FAT2: variants seen among roughly 807,000 people sequenced by gnomAD.
FAT2 encodes the protein FAT atypical cadherin 2.
A neutral mutation model predicts 295.3 loss-of-function variants in FAT2; 150 were observed. The ratio of observed to expected loss-of-function variants is 0.51; its 90% CI spans 0.44 to 0.58. The LOEUF (loss-of-function observed/expected upper bound fraction) is 0.58. Among genes scored for constraint, FAT2 ranks in the 20% least tolerant of loss-of-function variants. FAT2 has a pLI of 0.00. For missense variants in FAT2, 4,868 were observed against 5,442.7 expected, an observed-to-expected ratio of 0.89 and a Z score of 3.32; for synonymous variants, 2,026 against 2,150.3, an observed-to-expected ratio of 0.94 and a Z score of 1.60.
rs763142332 is a variant in FAT2, at chr5:151,545,443, C to T, written c.5684G>A (p.Arg1895Gln). The change falls in exon 10 of 24, where the codon CGG becomes CAG. Residue 1895 changes from arginine to glutamine, a missense_variant. Arg to Gln is a conservative substitution (Grantham distance 43). Coordinates refer to ENST00000261800, the MANE Select transcript of FAT2 (RefSeq NM_001447.3). ...GACTTCTGAGTCTTCATCGCTGGCC[C>T]GCACCATGAGAAGCTCCATGCCTGG... ...IHPGMELLMV[R>Q]ASDEDSEVNY... is the part of the protein sequence containing the mutation. 132 of 1,613,990 alleles carry T rather than the reference C, an allele frequency of 8.2e-5. No homozygotes were observed. Among genetic ancestry groups the T allele is most frequent in the Non-Finnish European group, 1.1e-4 (126 of 1,180,030 alleles).
chr5:151,508,969 C>A (rs1432504801), intron 22 of FAT2, among the ~76,000 whole-genome samples: 1 of 152,130 alleles, frequency 6.6e-6, no homozygotes, highest in Non-Finnish European at 1.5e-5. Context: ...TTTCATGATT[C>A]TTTAAAGGCT....
Position 151,517,756 on chromosome 5 carries a change from G to A in FAT2, c.11327C>T (p.Thr3776Ile). 1 of 1,614,174 alleles carries A rather than the reference G, an allele frequency of 6.2e-7. No homozygotes were observed. Among genetic ancestry groups the A allele is most frequent in the Non-Finnish European group, 8.5e-7 (1 of 1,180,008 alleles). Reference protein sequence around the residue: ...QRSCSCNGTATRFSGQSYVRY... With the variant: ...QRSCSCNGTAIRFSGQSYVRY... ...CACATAGCTCTGACCACTGAACCTT[G>A]TAGCAGTACCTGAGAAAGCAACCAA... Residue 3776 changes from threonine (T) to isoleucine (I), a missense_variant, in exon 20 of 24, where the codon ACA becomes ATA. Thr to Ile is a moderately conservative substitution (Grantham distance 89, BLOSUM62 -1). Transcript: ENST00000261800.
chr5:151,563,275 A>G (rs1758100431), intron 3 of FAT2, 50 bp downstream of exon 3: 1 of 1,540,576 alleles, frequency 6.5e-7, no homozygotes, highest in South Asian at 1.2e-5. Context: ...CCACAATTTG[A>G]GAACCACCAT....
Position 151,556,137 on chromosome 5 carries a change from C to G in FAT2, c.3633+207G>C. 3 of 586,578 alleles carry G rather than the reference C, an allele frequency of 5.1e-6. No individual in the cohort carries two copies. The South Asian group carries it at 5.8e-5, about 11-fold the overall frequency. 36.3% of individuals were successfully genotyped at this position (586,578 alleles called of 1,614,324 possible). The stretch of plus-strand genomic sequence containing the variant: ...TCACTAATCAATCAATGGTGCCTAC[C>G]CAGCCTGGGCACAGTTTCAGACTCC... On this transcript the variant is annotated intron_variant, in intron 4 of 23. Coordinates refer to ENST00000261800, the MANE Select transcript of FAT2 (RefSeq NM_001447.3).
At chr5:151,583,997 C>CAAAA (rs35453556) in intron 1 of FAT2, among the ~76,000 whole-genome samples, 31 of 46,058 alleles carry the variant, frequency 6.7e-4, no homozygotes, top group East Asian at 2.5e-3. Context: ...GGCTCTGTCT[C>CAAAA]AAAAAAAAAA....
chr5:151,593,022 G>A (rs78010608), upstream of FAT2, among the ~76,000 whole-genome samples: 2,279 of 152,348 alleles, frequency 0.015, 59 homozygotes, highest in African/African-American at 0.052. Context: ...TGCTCAAGAT[G>A]TCCAGAGGGA....
intron 3 of FAT2, among the ~76,000 whole-genome samples, chr5:151,558,683 G>A (rs1757890727): frequency 6.6e-6 from 1 of 151,992 alleles, no homozygotes; most frequent in South Asian, 2.1e-4. Context: ...GAGAAACCAT[G>A]AAGTGACAGC....
At chr5:151,592,200 T>C (rs1347808895), upstream of FAT2, among the ~76,000 whole-genome samples, 1 of 152,184 alleles carries the variant, frequency 6.6e-6, no homozygotes. Context: ...AACCAGTGTT[T>C]TAAGGGAAAG....
rs376200277 is a variant in FAT2 at position 151,534,451 on chromosome 5, T to G, written c.9385A>C (p.Lys3129Gln). The G allele has an allele frequency of 1.9e-6, 3 of 1,613,564 alleles. No homozygotes were observed. Among genetic ancestry groups the G allele is most frequent in the Non-Finnish European group, 2.5e-6 (3 of 1,179,920 alleles). Residue 3129 changes from lysine (K) to glutamine (Q), a missense_variant, in exon 13 of 24, where the codon AAG (lysine) becomes CAG (glutamine). This residue lies in a region of FAT2 where 1,046 missense variants were observed against 1,210.1 expected (regional missense o/e 0.86). Coordinates refer to ENST00000261800, the MANE Select transcript of FAT2 (RefSeq NM_001447.3). ...AVAVFDNTTV[K>Q]TPVAVVFARD... ...GCAAATACTACAGCCACAGGGGTCT[T>G]CACTGTGGTGTTGTCGAAGACAGCC...
chr5:151,563,207 G>A lies in FAT2; in HGVS notation c.3574+118C>T. ...AATTTTGATTCAGTGGATTTAGGGT[G>A]GGGCCAGAGAATTTGAATTTCCAAG... On this transcript the variant is annotated intron_variant, in intron 3 of 23. Coordinates refer to ENST00000261800, the MANE Select transcript of FAT2 (RefSeq NM_001447.3). 4.2e-6 allele frequency: 4 copies of A among 946,924 alleles called. No individual in the cohort carries two copies. In the South Asian group the frequency reaches 6.4e-5, roughly 15 times the overall value. The allele number at this position is 946,924 out of a possible 1,614,324, so 58.7% of individuals were successfully genotyped here.
intron 19 of FAT2, among the ~76,000 whole-genome samples, chr5:151,518,137 C>T (rs187400898): frequency 6.6e-6 from 1 of 152,128 alleles, no homozygotes; most frequent in Admixed American, 6.5e-5. Context: ...TCGAGACCAG[C>T]CTGGGCAACA....
intron 12 of FAT2, among the ~76,000 whole-genome samples, chr5:151,537,425 A>C (rs1206484304): frequency 9.6e-6 from 1 of 104,652 alleles, no homozygotes; most frequent in African/African-American, 4.9e-5. Flanking sequence ...GAAAAAAGGA[A>C]AGGAGAGGAA....
rs1561806089 is a variant in FAT2, at chr5:151,505,636, C to T, written c.12979G>A (p.Val4327Met). ...TCAGAGCCCTCATAGTTGGGGGGCA[C>T]CCGGGGCTGGCCCTGGCCTGCAAGA... ...APLAGQGQPR[V>M]PPNYEGSDMV... The change falls in exon 24 of 24, where the codon GTG becomes ATG. Residue 4327 changes from valine (V) to methionine (M), a missense_variant. By Grantham distance (21) the Val-to-Met change is conservative. Around this residue, in one of 5 missense-constraint regions of FAT2, gnomAD observed 492 missense variants for 482.6 expected, o/e 1.02. Transcript: ENST00000261800. The T allele has an allele frequency of 6.2e-7, 1 of 1,614,052 alleles. No individual in the cohort carries two copies. Among genetic ancestry groups the T allele is most frequent in the South Asian group, 1.1e-5 (1 of 91,094 alleles).
Position 151,566,621 on chromosome 5 carries a change from GC to G in FAT2, c.2310del (p.Leu771CysfsTer4). The G allele has an allele frequency of 6.2e-7, 1 of 1,614,180 alleles. No individual in the cohort carries two copies. Among genetic ancestry groups the G allele is most frequent in the Non-Finnish European group, 8.5e-7 (1 of 1,180,032 alleles). On this transcript the variant is annotated frameshift_variant, in exon 2 of 24. Transcript: ENST00000261800. LOFTEE classifies it high-confidence loss of function. Reference sequence around the variant, plus strand: ...TCCAAGGGAGCAGCTACAGTGAGCAGCCCTGTCTCCAGCTCTATGTCAAAGC... The same window carrying G: ...TCCAAGGGAGCAGCTACAGTGAGCAGCCTGTCTCCAGCTCTATGTCAAAGC... ...EGCFDIELET[G>X]LLTVAAPLDY...
chr5:151,559,475 G>A (rs886606614), intron 3 of FAT2, among the ~76,000 whole-genome samples: 1 of 152,052 alleles, frequency 6.6e-6, no homozygotes. Context: ...AAGGACTAGG[G>A]GGTCTTGGCA....
intron 13 of FAT2, among the ~76,000 whole-genome samples, chr5:151,533,814 A>G (rs574428238): frequency 3.2e-4 from 48 of 152,254 alleles, no homozygotes; most frequent in African/African-American, 1.1e-3. Context: ...GCAGGTATGT[A>G]TATACAATCA....
intron 20 of FAT2, 25 bp downstream of exon 20, chr5:151,517,595 A>G (rs1752999686): frequency 6.2e-7 from 1 of 1,613,078 alleles, no homozygotes; most frequent in South Asian, 1.1e-5. Context: ...CCCACATGAA[A>G]TCTCTCAGGC....
At chr5:151,522,173 G>A (rs561295434) in intron 18 of FAT2, 87 bp from the exon 19 acceptor site, 18 of 1,108,688 alleles carry the variant, frequency 1.6e-5, no homozygotes, top group Middle Eastern at 3.1e-4. Flanking sequence ...GTGGAGCTAC[G>A]TTTCTCTGCC....
At chr5:151,587,351 C>G (rs1581480319) in intron 1 of FAT2, among the ~76,000 whole-genome samples, 2 of 151,864 alleles carry the variant, frequency 1.3e-5, no homozygotes, top group South Asian at 4.2e-4. Flanking sequence ...TAGGCTGGGG[C>G]CTTCAATGAT....
Sources: allele counts gnomAD v4.1 joint callset (sites outside exome capture counted in the v4.1 genomes callset), GRCh38; gene constraint gnomAD v4.1.1; regional missense constraint gnomAD v4.1.1; transcripts MANE v1.5; gene names NCBI Gene and HGNC (gene_info 2026-07-23, HGNC 2026-07-21).